ZMYND10: variants seen among roughly 807,000 people sequenced by gnomAD.
ZMYND10 encodes zinc finger MYND domain-containing protein 10.
Under a neutral mutation model 62.6 loss-of-function variants are expected in ZMYND10, and 52 were observed. That is an observed-to-expected ratio of 0.83 (90% CI 0.67 to 1.05). The LOEUF (loss-of-function observed/expected upper bound fraction) is 1.05, where lower values mean the gene tolerates loss of function less well. Among genes scored for constraint, ZMYND10 ranks in the 50% least tolerant of loss-of-function variants. The pLI is 0.00. For synonymous variants in ZMYND10, 197 were observed against 218.5 expected, an observed-to-expected ratio of 0.90 and a Z score of 0.87; for missense variants, 438 against 543.3, an observed-to-expected ratio of 0.81 and a Z score of 1.93.
In ZMYND10 at chr3:50,341,287, G is replaced by T; in HGVS notation, c.*123C>A. 2 of 1,222,718 alleles carry T rather than the reference G, an allele frequency of 1.6e-6. No homozygotes were observed. Among genetic ancestry groups the T allele is most frequent in the Non-Finnish European group, 2.3e-6 (2 of 866,098 alleles). The allele number at this position is 1,222,718 out of a possible 1,614,324, so 75.7% of individuals were successfully genotyped here. On this transcript the variant is annotated 3_prime_UTR_variant, in exon 12 of 12. Transcript: ENST00000231749. ...AGATCGGTCAGCAGCTTTACCGCCC[G>T]CTCTGCTCTCCACTGCGGAGACTGG... is the stretch of plus-strand genomic sequence containing the variant.
chr3:50,345,181 G>A lies in ZMYND10; in HGVS notation c.144C>T (p.Leu48=), dbSNP rs1211872459. 9 of 1,613,916 alleles carry A rather than the reference G, an allele frequency of 5.6e-6. No individual in the cohort carries two copies. Among genetic ancestry groups the A allele is most frequent in the East Asian group, 2.2e-5 (1 of 44,876 alleles). The change falls in exon 2 of 12, where the codon CTC becomes CTT. Residue 48 remains leucine, a synonymous_variant. Coordinates refer to ENST00000231749, the MANE Select transcript of ZMYND10 (RefSeq NM_015896.4). This position sits in a 1 kb window ranked among gnomAD's most constrained non-coding sequence, Gnocchi z 5.0. ...NLEKLNMQAI[L]DATVSQGEPI... is the part of the protein sequence containing the mutation. ...GCTCGCCCTGGCTGACTGTGGCATCGAGGATGGCTTGCATGTTCAGCTTCT... is the reference window on the plus strand; with the variant it reads ...GCTCGCCCTGGCTGACTGTGGCATCAAGGATGGCTTGCATGTTCAGCTTCT...
At position 50,341,347 on chromosome 3, in the gene ZMYND10, T is replaced by A; in HGVS notation, c.*63A>T. On this transcript the variant is annotated 3_prime_UTR_variant, in exon 12 of 12. Transcript: ENST00000231749. Reference sequence around the variant, plus strand: ...AGAGGCTGGACCGTGATCTTGAGGTTCAGGGGTGCATTCTGGGTGGATTCC... The same window carrying A: ...AGAGGCTGGACCGTGATCTTGAGGTACAGGGGTGCATTCTGGGTGGATTCC... 3 of 1,593,268 alleles carry A rather than the reference T, an allele frequency of 1.9e-6. No homozygotes were observed. Among genetic ancestry groups the A allele is most frequent in the Non-Finnish European group, 2.6e-6 (3 of 1,165,952 alleles).
Position 50,341,448 on chromosome 3 carries a change from T to G in ZMYND10, c.1285A>C (p.Thr429Pro). 6.2e-7 allele frequency: 1 copy of G among 1,614,148 alleles called. No individual in the cohort carries two copies. Among genetic ancestry groups the G allele is most frequent in the Non-Finnish European group, 8.5e-7 (1 of 1,180,010 alleles). ...TCACCCTGGGCTGCCAGGACACAAGTCTTTCCATGCTTTTCCCAGTGCTTG... is the reference window on the plus strand; with the variant it reads ...TCACCCTGGGCTGCCAGGACACAAGGCTTTCCATGCTTTTCCCAGTGCTTG... Reference protein sequence around the residue: ...QVKHWEKHGKTCVLAAQGDRA... With the variant: ...QVKHWEKHGKPCVLAAQGDRA... Residue 429 changes from threonine (T) to proline (P), a missense_variant, in exon 12 of 12, where the codon ACT (threonine) becomes CCT (proline). Thr to Pro is a conservative substitution (Grantham distance 38). Coordinates refer to ENST00000231749, the MANE Select transcript of ZMYND10 (RefSeq NM_015896.4).
rs767745156 is a variant in ZMYND10 at position 50,342,078 on chromosome 3, ACT to A, written c.934_935del (p.Ser312PhefsTer9). The A allele has an allele frequency of 1.9e-6, 3 of 1,613,700 alleles. No homozygotes were observed. The highest frequency in any genetic ancestry group is 2.5e-6 in the Non-Finnish European group (3 of 1,179,906). Reference protein sequence around the residue: ...DQLPNLAHLQSFLAHLTLTET... With the variant: ...DQLPNLAHLQXFLAHLTLTET... ...CAGTTAGGGTCAGATGGGCCAGGAAACTCTGCAAGTGGGCCAGGTTGGGCAGC... is the reference window on the plus strand; with the variant it reads ...CAGTTAGGGTCAGATGGGCCAGGAAACTGCAAGTGGGCCAGGTTGGGCAGC... On this transcript the variant is annotated frameshift_variant, in exon 9 of 12. Coordinates refer to ENST00000231749, the MANE Select transcript of ZMYND10 (RefSeq NM_015896.4). LOFTEE classifies it high-confidence loss of function.
Position 50,345,330 on chromosome 3 carries a change from C to T in ZMYND10, c.93-98G>A. On this transcript the variant is annotated intron_variant, in intron 1 of 11. Coordinates refer to ENST00000231749, the MANE Select transcript of ZMYND10 (RefSeq NM_015896.4). The surrounding 1 kb of genome is among the most constrained non-coding windows in gnomAD (Gnocchi z 5.0). ...GAAGCCTAACCTGATCCTGAGGGGA[C>T]ACAGGGGGCTCAGGAGCAGTAATAC... The T allele has an allele frequency of 3.3e-6, 5 of 1,509,396 alleles. No homozygotes were observed. The highest frequency in any genetic ancestry group is 4.5e-6 in the Non-Finnish European group (5 of 1,109,654). 93.5% of individuals were successfully genotyped at this position (1,509,396 alleles called of 1,614,324 possible).
chr3:50,342,547 GC>G lies in ZMYND10; in HGVS notation c.722del (p.Gly241AlafsTer15). 1 of 1,613,372 alleles carries G rather than the reference GC, an allele frequency of 6.2e-7. No individual in the cohort carries two copies. The highest frequency in any genetic ancestry group is 8.5e-7 in the Non-Finnish European group (1 of 1,179,388). Reference protein sequence around the residue: ...REGGKLQQFEGSRWHTVAPSE... With the variant: ...REGGKLQQFEXSRWHTVAPSE... The stretch of plus-strand genomic sequence containing the variant: ...AGGGGGCCACAGTATGCCAACGGCT[GC>G]CCTCGAACTGCTGCAGCTTGCCTGG... On this transcript the variant is annotated frameshift_variant, in exon 8 of 12. Coordinates refer to ENST00000231749, the MANE Select transcript of ZMYND10 (RefSeq NM_015896.4). LOFTEE classifies it high-confidence loss of function.
rs368913303 is a variant in ZMYND10 at position 50,342,365 on chromosome 3, G to A, written c.873+32C>T. On this transcript the variant is annotated intron_variant, in intron 8 of 11. Coordinates refer to ENST00000231749, the MANE Select transcript of ZMYND10 (RefSeq NM_015896.4). ...GGTAGGATGGGGAGGGCGGTACTGG[G>A]GCTGTGGGGGCTGGTGCGGAGGGAG... is the stretch of plus-strand genomic sequence containing the variant. 1.7e-5 allele frequency: 27 copies of A among 1,557,226 alleles called. No homozygotes were observed. The African/African-American group carries it at 3.5e-4, about 20-fold the overall frequency.
In ZMYND10 at chr3:50,341,556, G is replaced by A. The variant is rs1209392966; in HGVS notation, c.1247+18C>T. The A allele has an allele frequency of 1.2e-6, 2 of 1,614,232 alleles. No individual in the cohort carries two copies. The highest frequency in any genetic ancestry group is 1.7e-5 in the Admixed American group (1 of 60,036). ...TGGGAGTAGGGCTTAGAGGTCCAAGGTTCTAGGATACCCTCACCTGCAGCA... is the reference window on the plus strand; with the variant it reads ...TGGGAGTAGGGCTTAGAGGTCCAAGATTCTAGGATACCCTCACCTGCAGCA... On this transcript the variant is annotated intron_variant, in intron 11 of 11. Transcript: ENST00000231749.
Position 50,341,700 on chromosome 3 carries a change from C to T in ZMYND10, c.1122-1G>A. On this transcript the variant is annotated splice_acceptor_variant, in intron 10 of 11. Transcript: ENST00000231749. LOFTEE classifies it high-confidence loss of function. ...ATCCAGCCTGTAGGTCTCAGCCCAC[C>T]TGGGGGAAAGTCAGGAAGGTCTGAC... The T allele has an allele frequency of 6.2e-7, 1 of 1,614,120 alleles. No homozygotes were observed. Among genetic ancestry groups the T allele is most frequent in the Non-Finnish European group, 8.5e-7 (1 of 1,179,966 alleles).
In ZMYND10 at chr3:50,342,011, C is replaced by T. The variant is rs1182770589; in HGVS notation, c.999+4G>A. On this transcript the variant is annotated splice_donor_region_variant and intron_variant, in intron 9 of 11. Coordinates refer to ENST00000231749, the MANE Select transcript of ZMYND10 (RefSeq NM_015896.4). ...TCCTGAGCAGCTAACTTTCCAGTGCCTACCTGTTCCAACACCAGGTCCTTC... is the reference window on the plus strand; with the variant it reads ...TCCTGAGCAGCTAACTTTCCAGTGCTTACCTGTTCCAACACCAGGTCCTTC... 3.7e-6 allele frequency: 6 copies of T among 1,614,130 alleles called. No homozygotes were observed. Among genetic ancestry groups the T allele is most frequent in the Non-Finnish European group, 5.1e-6 (6 of 1,180,052 alleles).
At position 50,343,143 on chromosome 3, in the gene ZMYND10, G is replaced by T. The variant is rs199729765; in HGVS notation, c.574C>A (p.Arg192Ser). Residue 192 changes from arginine to serine, a missense_variant, in exon 6 of 12, where the codon CGC (arginine) becomes AGC (serine). Arg to Ser is a moderately radical substitution (Grantham distance 110). Coordinates refer to ENST00000231749, the MANE Select transcript of ZMYND10 (RefSeq NM_015896.4). The stretch of plus-strand genomic sequence containing the variant: ...CTGTCCACACAGTCTGTGATGTAGC[G>T]TAGTACTGAGAGGGCCTTCAGTGCA... ...EIALKALSVL[R>S]YITDCVDSLS... 2 of 1,614,210 alleles carry T rather than the reference G, an allele frequency of 1.2e-6. No homozygotes were observed. The highest frequency in any genetic ancestry group is 1.7e-5 in the Admixed American group (1 of 60,020).
chr3:50,343,253 G>A, intron 5 of ZMYND10, 47 bp from the exon 6 acceptor site: 1 of 1,613,930 alleles, frequency 6.2e-7, no homozygotes, highest in South Asian at 1.1e-5. Context: ...CACCTGCGCA[G>A]GCCTTGGGGA....
In ZMYND10 at chr3:50,345,658, C is replaced by T; in HGVS notation, c.-79G>A. ...CACATTCGGGGACGACGGACCCCGACGGTGCCAAAGTCTGGGACAGGACAG... is the reference window on the plus strand; with the variant it reads ...CACATTCGGGGACGACGGACCCCGATGGTGCCAAAGTCTGGGACAGGACAG... On this transcript the variant is annotated 5_prime_UTR_variant, in exon 1 of 12. Transcript: ENST00000231749. This position sits in a 1 kb window ranked among gnomAD's most constrained non-coding sequence, Gnocchi z 5.0. 4.5e-6 allele frequency: 7 copies of T among 1,541,650 alleles called. No individual in the cohort carries two copies. The highest frequency in any genetic ancestry group is 2.4e-5 in the South Asian group (2 of 83,060).
chr3:50,342,094 A>G lies in ZMYND10; in HGVS notation c.920T>C (p.Leu307Pro), dbSNP rs1216225346. The G allele has an allele frequency of 6.2e-7, 1 of 1,613,818 alleles. No individual in the cohort carries two copies. Among genetic ancestry groups the G allele is most frequent in the Non-Finnish European group, 8.5e-7 (1 of 1,179,904 alleles). The change falls in exon 9 of 12, where the codon CTG (leucine) becomes CCG (proline). Residue 307 changes from leucine to proline, a missense_variant. Physicochemically the swap from Leu to Pro is moderately conservative, Grantham distance 98. Transcript: ENST00000231749. The stretch of plus-strand genomic sequence containing the variant: ...GGCCAGGAAACTCTGCAAGTGGGCC[A>G]GGTTGGGCAGCTGGTCCAGCAGTGT... ...TDTLLDQLPN[L>P]AHLQSFLAHL...
chr3:50,341,567 C>A lies in ZMYND10; in HGVS notation c.1247+7G>T. The A allele has an allele frequency of 1.2e-6, 2 of 1,614,160 alleles. No homozygotes were observed. Among genetic ancestry groups the A allele is most frequent in the East Asian group, 2.2e-5 (1 of 44,886 alleles). On this transcript the variant is annotated splice_region_variant and intron_variant, in intron 11 of 11. Coordinates refer to ENST00000231749, the MANE Select transcript of ZMYND10 (RefSeq NM_015896.4). ...CTTAGAGGTCCAAGGTTCTAGGATA[C>A]CCTCACCTGCAGCAATACCACTCAT...
chr3:50,344,482 C>A (rs1703482410), intron 2 of ZMYND10, among the ~76,000 whole-genome samples: 1 of 151,940 alleles, frequency 6.6e-6, no homozygotes, highest in Admixed American at 6.6e-5. Flanking sequence ...CCATGCTCTG[C>A]AAATTTTTGT....
chr3:50,342,370 TG>T, intron 8 of ZMYND10, 26 bp downstream of exon 8: 1 of 1,557,850 alleles, frequency 6.4e-7, no homozygotes. Flanking sequence ...ACTGGGGCTG[TG>T]GGGGCTGGTG....
intron 2 of ZMYND10, chr3:50,344,152 T>C (rs1380912183): frequency 4.9e-6 from 2 of 405,926 alleles, no homozygotes; most frequent in African/African-American, 4.1e-5. Flanking sequence ...AGGCATCCCT[T>C]TCAAGCCAGC....
chr3:50,343,316 G>A lies in ZMYND10; in HGVS notation c.501C>T (p.Asn167=). The A allele has an allele frequency of 3.7e-6, 6 of 1,612,040 alleles. No individual in the cohort carries two copies. Among genetic ancestry groups the A allele is most frequent in the Non-Finnish European group, 5.1e-6 (6 of 1,178,880 alleles). The change falls in exon 5 of 12, where the codon AAC becomes AAT. Residue 167 remains asparagine (N), a synonymous_variant. Transcript: ENST00000231749. ...GGTAACCTCAACCCACCTGCATGGG[G>A]TTGCTGTCCTGGGATCCCTCCCCCT... ...PPEGEGSQDS[N]PMQELQKQAE...
Sources: gnomAD v4.1 joint callset for allele counts (sites outside exome capture counted in the v4.1 genomes callset) on GRCh38, gnomAD v4.1.1 for gene constraint, Gnocchi (gnomAD v3.1) non-coding constraint, MANE v1.5 for transcripts, NCBI Gene and HGNC (gene_info 2026-07-23, HGNC 2026-07-21) for gene names.